Variants in OR3A3 observed in about 807,000 individuals in gnomAD.
The protein encoded by OR3A3 is olfactory receptor family 3 subfamily A member 3.
For missense variants in OR3A3, 275 were observed against 391.4 expected (o/e 0.70, Z 2.51); for synonymous variants, 103 against 163.9 (o/e 0.63, Z 2.84).
At chr17:3,421,030 G>A (rs761595229) in exon 3 of OR3A3, 3 of 1,614,090 alleles carry the variant, frequency 1.9e-6, no homozygotes, top group Admixed American at 3.3e-5. Flanking sequence ...GATGTTGGTG[G>A]CTGCGTCCTG....
At chr17:3,420,362 TC>T (rs1380419197) in intron 2 of OR3A3, among the ~76,000 whole-genome samples, 1 of 152,208 alleles carries the variant, frequency 6.6e-6, no homozygotes, top group Non-Finnish European at 1.5e-5. Flanking sequence ...TAGCTTATTT[TC>T]CCAAGTATTC....
chr17:3,423,257 G>A (rs574704835), exon 3 of OR3A3: 2 of 152,318 alleles, frequency 1.3e-5, no homozygotes, highest in African/African-American at 2.4e-5. Flanking sequence ...TCTTCCCTGG[G>A]TCTGAACACA....
intron 1 of OR3A3, among the ~76,000 whole-genome samples, 199 bp from the exon 2 acceptor site, chr17:3,411,779 T>C (rs1199845867): frequency 3.9e-5 from 6 of 152,230 alleles, no homozygotes; most frequent in Non-Finnish European, 7.3e-5. Flanking sequence ...AGGCAAGTCC[T>C]GTAGGCCTCA....
exon 3 of OR3A3, chr17:3,423,953 GAAA>G (rs148900480): frequency 5.8e-5 from 7 of 120,046 alleles, no homozygotes; most frequent in Non-Finnish European, 3.4e-5. Context: ...CTCAAAAAAA[GAAA>G]AAAAAAAAAA....
At chr17:3,420,099 A>G (rs1489666759) in intron 2 of OR3A3, among the ~76,000 whole-genome samples, 3 of 152,160 alleles carry the variant, frequency 2.0e-5, no homozygotes, top group African/African-American at 7.2e-5. Context: ...ATATTCAAAA[A>G]GGAAGTCTTT....
At chr17:3,419,089 A>T (rs570354013) in intron 2 of OR3A3, among the ~76,000 whole-genome samples, 1 of 152,212 alleles carries the variant, frequency 6.6e-6, no homozygotes, top group Non-Finnish European at 1.5e-5. Context: ...AGAAAAAATA[A>T]TTTTAAATTA....
chr17:3,416,161 T>G (rs1183402527), intron 2 of OR3A3, among the ~76,000 whole-genome samples: 1 of 152,116 alleles, frequency 6.6e-6, no homozygotes, highest in African/African-American at 2.4e-5. Flanking sequence ...TATTCCTATT[T>G]TATTATAAGA....
At chr17:3,422,598 A>T (rs1204913749) in exon 3 of OR3A3, 4 of 152,224 alleles carry the variant, frequency 2.6e-5, no homozygotes, top group African/African-American at 9.7e-5. Context: ...TACTGCTGCA[A>T]CCCAGAGCAT....
At chr17:3,415,480 G>C (rs993082800) in intron 2 of OR3A3, among the ~76,000 whole-genome samples, 11 of 149,032 alleles carry the variant, frequency 7.4e-5, no homozygotes, top group African/African-American at 2.5e-4. Context: ...AGAATTGCTT[G>C]AACCTGGGAG....
chr17:3,421,042 G>T, exon 3 of OR3A3: 1 of 1,614,132 alleles, frequency 6.2e-7, no homozygotes, highest in Non-Finnish European at 8.5e-7. Context: ...TGCGTCCTGG[G>T]CTTGTGCCTT....
chr17:3,417,820 G>A (rs1298370360), intron 2 of OR3A3, among the ~76,000 whole-genome samples: 2 of 152,102 alleles, frequency 1.3e-5, no homozygotes, highest in African/African-American at 4.8e-5. Context: ...TATACCCAAA[G>A]GATTCATTAT....
chr17:3,420,693 T>A, exon 3 of OR3A3: 2 of 1,535,758 alleles, frequency 1.3e-6, no homozygotes, highest in Non-Finnish European at 1.8e-6. Context: ...TCCTCCTCTT[T>A]GCCTATCTGG....
chr17:3,414,050 C>T (rs1567582875), intron 2 of OR3A3, among the ~76,000 whole-genome samples: 1 of 152,004 alleles, frequency 6.6e-6, no homozygotes, highest in Admixed American at 6.6e-5. Flanking sequence ...CATGAAACTG[C>T]GGGTCAGTCT....
chr17:3,421,129 T>C (rs2072431489), exon 3 of OR3A3: 4 of 1,614,180 alleles, frequency 2.5e-6, no homozygotes, highest in Middle Eastern at 3.3e-4. Context: ...TCACTTCTAC[T>C]GTGACCTCCC....
chr17:3,420,355 C>T (rs960608889), intron 2 of OR3A3, among the ~76,000 whole-genome samples: 1 of 152,080 alleles, frequency 6.6e-6, no homozygotes, highest in African/African-American at 2.4e-5. Flanking sequence ...TTTATCTTAG[C>T]TTATTTTCCC....
intron 2 of OR3A3, among the ~76,000 whole-genome samples, chr17:3,418,426 C>A (rs1481857574): frequency 1.3e-5 from 2 of 152,182 alleles, no homozygotes; most frequent in Non-Finnish European, 2.9e-5. Flanking sequence ...GAACTGCTGA[C>A]AAGGCAGTTT....
chr17:3,420,195 G>C (rs1436223001), intron 2 of OR3A3, among the ~76,000 whole-genome samples: 1 of 152,068 alleles, frequency 6.6e-6, no homozygotes, highest in African/African-American at 2.4e-5. Flanking sequence ...AAAATGATTA[G>C]TATAGTGAAA....
At chr17:3,416,414 A>T (rs375482130) in intron 2 of OR3A3, among the ~76,000 whole-genome samples, 8 of 151,332 alleles carry the variant, frequency 5.3e-5, no homozygotes, top group Non-Finnish European at 1.0e-4. Context: ...TTTAACATAA[A>T]TTTTTTTCTT....
exon 3 of OR3A3, chr17:3,420,748 G>A (rs773018956): frequency 9.5e-6 from 13 of 1,372,006 alleles, no homozygotes; most frequent in Non-Finnish European, 1.2e-5. Flanking sequence ...CGTCTTGGTG[G>A]AGCCCAAACT....
Sources: allele counts gnomAD v4.1 joint callset (sites outside exome capture counted in the v4.1 genomes callset), GRCh38; gene constraint gnomAD v4.1.1; transcripts MANE v1.5; gene names NCBI Gene and HGNC (gene_info 2026-07-23, HGNC 2026-07-21).